Variants in TNN observed in about 807,000 individuals in gnomAD.
TNN encodes the protein tenascin-N.
A neutral mutation model predicts 134.4 loss-of-function variants in TNN; 122 were observed. The observed-to-expected ratio is 0.91, with a 90% confidence interval of 0.78 to 1.06. The LOEUF is 1.06. TNN is among the 50% of genes least tolerant of loss of function. The probability of loss-of-function intolerance (pLI) is 0.00; values close to 1 mark genes in which losing one functional copy is unlikely to be tolerated. For synonymous variants in TNN, 710 were observed against 670.3 expected (o/e 1.06, Z -0.91); for missense variants, 1,739 against 1,699.4 (o/e 1.02, Z -0.41).
chr1:175,097,360 C>T (rs1483442966), intron 7 of TNN, 57 bp from the exon 8 acceptor site: 21 of 1,600,892 alleles, frequency 1.3e-5, no homozygotes, highest in Non-Finnish European at 1.7e-5. Flanking sequence ...TTCGTGCTGT[C>T]TTTATGGAAT....
chr1:175,136,871 G>A lies in TNN; in HGVS notation c.3478G>A (p.Val1160Met). ...LTTGTPARYEVRVDLQTANES... is the reference protein window; with the variant it reads ...LTTGTPARYEMRVDLQTANES... The stretch of plus-strand genomic sequence containing the variant: ...CACCGGCACTCCAGCGCGGTATGAG[G>A]TGAGAGTGGATTTACAGACTGCCAA... Residue 1160 changes from valine (V) to methionine (M), a missense_variant, in exon 17 of 19, where the codon GTG (valine) becomes ATG (methionine). By Grantham distance (21) the Val-to-Met change is conservative. Coordinates refer to ENST00000239462, the MANE Select transcript of TNN (RefSeq NM_022093.2). The A allele has an allele frequency of 6.2e-7, 1 of 1,614,206 alleles. No individual in the cohort carries two copies. Among genetic ancestry groups the A allele is most frequent in the Admixed American group, 1.7e-5 (1 of 60,020 alleles).
intron 9 of TNN, among the ~76,000 whole-genome samples, chr1:175,104,945 A>G (rs1317675042): frequency 6.9e-6 from 1 of 145,660 alleles, no homozygotes; most frequent in Non-Finnish European, 1.5e-5. Context: ...CAGAACACAG[A>G]TCAACAGATG....
intron 7 of TNN, among the ~76,000 whole-genome samples, chr1:175,096,347 A>G (rs911547185): frequency 7.2e-5 from 11 of 152,192 alleles, no homozygotes; most frequent in Non-Finnish European, 1.6e-4. Flanking sequence ...TTGGTGCACT[A>G]GTGAAGGATA....
At chr1:175,084,737 C>T (rs1020052711) in intron 5 of TNN, among the ~76,000 whole-genome samples, 3 of 152,196 alleles carry the variant, frequency 2.0e-5, no homozygotes, top group African/African-American at 7.2e-5. Context: ...GTGTGCCTCA[C>T]ACAAGCTTCT....
In TNN at chr1:175,106,248, T is replaced by C. The variant is rs1674848989; in HGVS notation, c.2119+7653T>C. Among the ~76,000 whole-genome samples, 2 of 145,676 alleles carry C rather than the reference T, an allele frequency of 1.4e-5. 1 individual carries two copies. The highest frequency in any genetic ancestry group is 4.9e-5 in the African/African-American group (2 of 40,472). ...AAGATGTTATGCCACAAAAATGAAA[T>C]GGAGGGCCATACCCTGAGGGAGGGA... On this transcript the variant is annotated intron_variant, in intron 9 of 18. Transcript: ENST00000239462.
chr1:175,116,956 A>G lies in TNN; in HGVS notation c.2137A>G (p.Asn713Asp). The part of the protein sequence containing the change: ...KAQTDIDSPQ[N>D]LVTDRVTENM... ...TTTTTCAGACATTGACAGCCCCCAA[A>G]ACCTGGTGACCGACCGGGTGACAGA... The change falls in exon 10 of 19, where the codon AAC (asparagine) becomes GAC (aspartate). Residue 713 changes from asparagine to aspartate, a missense_variant. Transcript: ENST00000239462. The G allele has an allele frequency of 6.2e-7, 1 of 1,614,228 alleles. No individual in the cohort carries two copies. The highest frequency in any genetic ancestry group is 8.5e-7 in the Non-Finnish European group (1 of 1,180,040).
At chr1:175,145,652 C>G (rs1036371546) in intron 18 of TNN, among the ~76,000 whole-genome samples, 1 of 150,582 alleles carries the variant, frequency 6.6e-6, no homozygotes, top group Non-Finnish European at 1.5e-5. Flanking sequence ...ATCCACTTCA[C>G]CCAAAACCTT....
In TNN at chr1:175,094,231, A is replaced by G; in HGVS notation, c.1566A>G (p.Lys522=). 1.9e-6 allele frequency: 3 copies of G among 1,608,908 alleles called. No individual in the cohort carries two copies. The highest frequency in any genetic ancestry group is 2.5e-6 in the Non-Finnish European group (3 of 1,176,614). Residue 522 remains lysine, a synonymous_variant, in exon 7 of 19, where the codon AAA becomes AAG. Transcript: ENST00000239462. ...AAAGGGGCAACCAGGGGAGCAAGAA[A>G]GCTGACACCAATGCCCTCACAGGTA... The part of the protein sequence containing the change: ...WAERGNQGSK[K]ADTNALTEID...
chr1:175,078,838 C>T (rs1347108808), intron 2 of TNN, among the ~76,000 whole-genome samples: 1 of 152,086 alleles, frequency 6.6e-6, no homozygotes, highest in Non-Finnish European at 1.5e-5. Context: ...TCCGTTTTTT[C>T]CAGACTTCAA....
At chr1:175,137,397 T>TGTGTGA (rs10638677) in intron 17 of TNN, among the ~76,000 whole-genome samples, 47,949 of 149,240 alleles carry the variant, frequency 0.32, 8,081 homozygotes, top group Non-Finnish European at 0.39. Flanking sequence ...TGTGTGATTA[T>TGTGTGA]TTGAGCTTTT....
intron 9 of TNN, among the ~76,000 whole-genome samples, chr1:175,107,214 T>A (rs1360437293): frequency 6.9e-6 from 1 of 145,940 alleles, no homozygotes; most frequent in Non-Finnish European, 1.5e-5. Flanking sequence ...AGTCTGTCCC[T>A]TCTGATGTTC....
At chr1:175,079,733 C>T in intron 3 of TNN, 26 bp downstream of exon 3, 2 of 1,545,994 alleles carry the variant, frequency 1.3e-6, no homozygotes, top group Non-Finnish European at 1.7e-6. Context: ...TGCCCTCGGG[C>T]CGCCGGACTC....
intron 4 of TNN, among the ~76,000 whole-genome samples, chr1:175,080,705 G>C (rs1674179203): frequency 6.6e-6 from 1 of 152,122 alleles, no homozygotes; most frequent in African/African-American, 2.4e-5. Context: ...CAGTCAAAGT[G>C]TAGACATGAA....
intron 4 of TNN, among the ~76,000 whole-genome samples, chr1:175,082,487 C>T (rs1489749011): frequency 6.6e-6 from 1 of 152,162 alleles, no homozygotes; most frequent in Middle Eastern, 3.2e-3. Flanking sequence ...AGCCTCAAGT[C>T]ACATTTATTA....
intron 4 of TNN, among the ~76,000 whole-genome samples, 167 bp downstream of exon 4, chr1:175,080,593 C>T (rs1162577024): frequency 6.6e-6 from 1 of 152,128 alleles, no homozygotes; most frequent in East Asian, 1.9e-4. Context: ...TTTCCTTGCT[C>T]CCTGATTACT....
chr1:175,145,552 C>CAAAAAAAAAAAAAAAAAAAAA lies in TNN; in HGVS notation c.3759+1005_3759+1025dup, dbSNP rs3028580. Among the ~76,000 whole-genome samples the CAAAAAAAAAAAAAAAAAAAAA allele has an allele frequency of 1.7e-4, 5 of 28,912 alleles. 1 individual carries two copies. The highest frequency in any genetic ancestry group is 5.5e-4 in the Admixed American group (1 of 1,804). The allele number at this position is 28,912 out of a possible 152,430, so 19.0% of individuals were successfully genotyped here. A position where few individuals can be genotyped will look rare whatever the true frequency, so the allele number is the denominator to read the frequency against. On this transcript the variant is annotated intron_variant, in intron 18 of 18. Coordinates refer to ENST00000239462, the MANE Select transcript of TNN (RefSeq NM_022093.2). ...TGGGTGGCAGAGCAAGACCCTGTCT[C>CAAAAAAAAAAAAAAAAAAAAA]AAAAAAAAAAAAAAAAAAAAAAAGC...
At chr1:175,075,657 T>C (rs909490127) in intron 1 of TNN, among the ~76,000 whole-genome samples, 1 of 152,136 alleles carries the variant, frequency 6.6e-6, no homozygotes, top group South Asian at 2.1e-4. Context: ...AGTAAATCGA[T>C]TGAAAATAAA....
intron 1 of TNN, among the ~76,000 whole-genome samples, chr1:175,072,041 C>T (rs1181508530): frequency 4.6e-5 from 7 of 152,188 alleles, no homozygotes; most frequent in Admixed American, 3.9e-4. Flanking sequence ...CAACTGTCAA[C>T]ATTTGGCTGG....
chr1:175,103,553 G>C lies in TNN; in HGVS notation c.2119+4958G>C, dbSNP rs560204285. Among the ~76,000 whole-genome samples, 20 of 144,032 alleles carry C rather than the reference G, an allele frequency of 1.4e-4. 1 individual carries two copies. The highest frequency in any genetic ancestry group is 2.4e-4 in the Non-Finnish European group (16 of 65,800). The allele number at this position is 144,032 out of a possible 152,430, so 94.5% of individuals were successfully genotyped here. ...ATAGAAATTTACCCTGGCTTTTAAA[G>C]GAATGGGATATGCTGTTTTTTTCTT... On this transcript the variant is annotated intron_variant, in intron 9 of 18. Coordinates refer to ENST00000239462, the MANE Select transcript of TNN (RefSeq NM_022093.2).
Sources: gnomAD v4.1 joint callset for allele counts (sites outside exome capture counted in the v4.1 genomes callset) on GRCh38, gnomAD v4.1.1 for gene constraint, MANE v1.5 for transcripts, NCBI Gene and HGNC (gene_info 2026-07-23, HGNC 2026-07-21) for gene names.